Variants in UBXN11 observed in about 807,000 individuals in gnomAD.
UBXN11 encodes UBX domain-containing protein 11.
A neutral mutation model predicts 62.8 loss-of-function variants in UBXN11; 47 were observed. The observed-to-expected ratio is 0.75, with a 90% confidence interval of 0.59 to 0.95. The LOEUF (loss-of-function observed/expected upper bound fraction) is 0.95, where lower values mean the gene tolerates loss of function less well. Ranked by LOEUF, UBXN11 falls within the 40% of genes least tolerant of loss-of-function variation. The pLI is 0.00. For missense variants in UBXN11, 638 were observed against 661.7 expected, an observed-to-expected ratio of 0.96 and a Z score of 0.39; for synonymous variants, 294 against 267.0, an observed-to-expected ratio of 1.10 and a Z score of -0.99.
At chr1:26,315,600 C>T (rs1045619233) in intron 1 of UBXN11, among the ~76,000 whole-genome samples, 4 of 152,150 alleles carry the variant, frequency 2.6e-5, no homozygotes, top group African/African-American at 7.2e-5. Context: ...TCCCTCCCCG[C>T]CCCTCCCTCT....
Position 26,282,738 on chromosome 1 carries a change from G to A in UBXN11, c.1203C>T (p.Ile401=). Residue 401 remains isoleucine, a synonymous_variant, in exon 14 of 15, where the codon ATC becomes ATT. Transcript: ENST00000374222. ...TPAPPLSMLR[I]KSENGEQAFL... ...AGGCCTGTTCCCCATTCTCAGACTT[G>A]ATGCGCAGCATGGAGAGCGGGGGTG... 2 of 1,614,188 alleles carry A rather than the reference G, an allele frequency of 1.2e-6. No individual in the cohort carries two copies. Among genetic ancestry groups the A allele is most frequent in the Non-Finnish European group, 8.5e-7 (1 of 1,180,028 alleles).
Position 26,300,947 on chromosome 1 carries a change from C to T in UBXN11, c.178G>A (p.Gly60Ser), listed in dbSNP as rs768604542. The change falls in exon 4 of 15, where the codon GGT becomes AGT. Residue 60 changes from glycine to serine, a missense_variant. Gly to Ser is a moderately conservative substitution (Grantham distance 56, BLOSUM62 0). Transcript: ENST00000374222. ...ISVPSCYGGI[G>S]APVSRQVPAS... ...TCACCTTGCCGACTCACAGGGGCAC[C>T]TATGCCGCCATAGCAGGAAGGGACT... 6.2e-7 allele frequency: 1 copy of T among 1,614,234 alleles called. No homozygotes were observed. Among genetic ancestry groups the T allele is most frequent in the Non-Finnish European group, 8.5e-7 (1 of 1,180,026 alleles).
At chr1:26,312,318 C>T (rs2073751503) in intron 1 of UBXN11, among the ~76,000 whole-genome samples, 1 of 152,146 alleles carries the variant, frequency 6.6e-6, no homozygotes, top group Non-Finnish European at 1.5e-5. Context: ...ATGGCAGGAT[C>T]TCAGTTCACT....
chr1:26,314,076 G>A (rs1038184774), intron 1 of UBXN11, among the ~76,000 whole-genome samples: 6 of 152,092 alleles, frequency 3.9e-5, no homozygotes, highest in South Asian at 4.1e-4. Flanking sequence ...CACCGCGCCC[G>A]GCCGGTTCTT....
chr1:26,283,013 T>G (rs1360586960), intron 12 of UBXN11, 76 bp from the exon 13 acceptor site: 1 of 1,583,892 alleles, frequency 6.3e-7, no homozygotes, highest in Non-Finnish European at 8.7e-7. Context: ...AGAGGGACAC[T>G]TCCTTGACCA....
intron 13 of UBXN11, 28 bp from the exon 14 acceptor site, chr1:26,282,817 C>T (rs377309976): frequency 3.0e-5 from 49 of 1,613,938 alleles, no homozygotes; most frequent in South Asian, 4.4e-5. Flanking sequence ...CATCAGCACG[C>T]GGTGACCCAA....
rs748772070 is a variant in UBXN11 at position 26,282,877 on chromosome 1, C to T, written c.1138G>A (p.Ala380Thr). 51 of 1,614,076 alleles carry T rather than the reference C, an allele frequency of 3.2e-5. No homozygotes were observed. Among genetic ancestry groups the T allele is most frequent in the Middle Eastern group, 1.6e-4 (1 of 6,084 alleles). The change falls in exon 13 of 15, where the codon GCT becomes ACT. Residue 380 changes from alanine to threonine, a missense_variant. Coordinates refer to ENST00000374222, the MANE Select transcript of UBXN11 (RefSeq NM_001389556.1). ...TCCCGCCCTCACCTCTCTCGCTCAG[C>T]GGCCAAGGTGGGCGTCTCCACCACA... ...EIVVETPTLAAERERSQESPN... is the reference protein window; with the variant it reads ...EIVVETPTLATERERSQESPN...
At chr1:26,284,109 C>G (rs777066735) in intron 12 of UBXN11, 33 bp downstream of exon 12, 1 of 1,560,722 alleles carries the variant, frequency 6.4e-7, no homozygotes. Context: ...AAAGTTCCCC[C>G]AGGAGGGCTG....
chr1:26,317,826 A>C, intron 1 of UBXN11: 1 of 575,342 alleles, frequency 1.7e-6, no homozygotes, highest in Middle Eastern at 4.0e-4. Context: ...AGAGCCTGGT[A>C]TTATCCACCC....
upstream of UBXN11, among the ~76,000 whole-genome samples, chr1:26,308,959 A>G (rs1351159322): frequency 1.2e-4 from 4 of 33,108 alleles, no homozygotes; most frequent in Admixed American, 1.6e-3. Context: ...TTTTTTTTTG[A>G]GTCTTGCTCT....
At chr1:26,302,728 C>A in intron 2 of UBXN11, 85 bp downstream of exon 2, 1 of 1,446,254 alleles carries the variant, frequency 6.9e-7, no homozygotes, top group Non-Finnish European at 9.5e-7. Flanking sequence ...CCCCAAGACA[C>A]TAGGAGTCAC....
In UBXN11 at chr1:26,297,420, C is replaced by T; in HGVS notation, c.355+7G>A. On this transcript the variant is annotated splice_region_variant and intron_variant, in intron 6 of 14. Coordinates refer to ENST00000374222, the MANE Select transcript of UBXN11 (RefSeq NM_001389556.1). ...GGGCGCAGGTCAGCCCTCCAAGAGC[C>T]CCCTACCTGGGTGTGGCCGGAGGGT... is the stretch of plus-strand genomic sequence containing the variant. The T allele has an allele frequency of 2.6e-6, 4 of 1,542,544 alleles. No individual in the cohort carries two copies. Among genetic ancestry groups the T allele is most frequent in the Non-Finnish European group, 3.5e-6 (4 of 1,143,470 alleles).
intron 4 of UBXN11, among the ~76,000 whole-genome samples, chr1:26,298,745 C>G (rs1296866092): frequency 6.8e-6 from 1 of 147,950 alleles, no homozygotes; most frequent in Non-Finnish European, 1.5e-5. Context: ...CCACTGCACT[C>G]CAGCCTGGGT....
intron 1 of UBXN11, 76 bp from the exon 2 acceptor site, chr1:26,302,994 C>A: frequency 2.1e-6 from 2 of 967,522 alleles, no homozygotes. Context: ...GAAGTTTCCA[C>A]TTCCCTGGCT....
At chr1:26,314,012 C>A (rs1419215276) in intron 1 of UBXN11, among the ~76,000 whole-genome samples, 1 of 152,040 alleles carries the variant, frequency 6.6e-6, no homozygotes. Flanking sequence ...GATCTCCTGA[C>A]CTTGTGATCG....
intron 4 of UBXN11, 130 bp downstream of exon 4, chr1:26,300,796 A>G: frequency 6.8e-7 from 1 of 1,460,626 alleles, no homozygotes; most frequent in South Asian, 1.3e-5. Flanking sequence ...TGCCACAATC[A>G]GCCAGGAGTG....
intron 1 of UBXN11, among the ~76,000 whole-genome samples, chr1:26,303,466 A>G (rs780073502): frequency 1.1e-4 from 16 of 151,810 alleles, no homozygotes; most frequent in Non-Finnish European, 2.2e-4. Context: ...TCTACTAAAA[A>G]CACAAAAATT....
At chr1:26,312,329 G>A (rs1163478510) in intron 1 of UBXN11, among the ~76,000 whole-genome samples, 1 of 151,970 alleles carries the variant, frequency 6.6e-6, no homozygotes, top group Non-Finnish European at 1.5e-5. Context: ...TCAGTTCACT[G>A]CAATCTCCAC....
chr1:26,316,682 T>C (rs1234810542), intron 1 of UBXN11, among the ~76,000 whole-genome samples: 2 of 152,056 alleles, frequency 1.3e-5, no homozygotes, highest in African/African-American at 4.8e-5. Flanking sequence ...GGGATAAACA[T>C]AACACCTGCT....
Sources: allele counts gnomAD v4.1 joint callset (sites outside exome capture counted in the v4.1 genomes callset), GRCh38; gene constraint gnomAD v4.1.1; transcripts MANE v1.5; gene names NCBI Gene and HGNC (gene_info 2026-07-23, HGNC 2026-07-21).